The following NEK9 variants were observed in gnomAD, a reference collection of about 807,000 sequenced individuals.
NEK9 encodes serine/threonine-protein kinase Nek9.
Under a neutral mutation model 123.4 loss-of-function variants are expected in NEK9, and 75 were observed. The ratio of observed to expected loss-of-function variants is 0.61; its 90% CI spans 0.50 to 0.74. The LOEUF is 0.74. Ranked by LOEUF, NEK9 falls within the 30% of genes least tolerant of loss-of-function variation. The probability of loss-of-function intolerance (pLI) is 0.00; values close to 1 mark genes in which losing one functional copy is unlikely to be tolerated. For synonymous variants in NEK9, 438 were observed against 458.7 expected (o/e 0.95, Z 0.58); for missense variants, 952 against 1,214.4 (o/e 0.78, Z 3.21).
chr14:75,103,252 A>G (rs1894651890), intron 14 of NEK9, among the ~76,000 whole-genome samples: 1 of 152,172 alleles, frequency 6.6e-6, no homozygotes, highest in Non-Finnish European at 1.5e-5. Flanking sequence ...ACATTTTTGA[A>G]GACAGAATGG....
chr14:75,126,985 C>A lies in NEK9; in HGVS notation c.-64G>T. The A allele has an allele frequency of 7.5e-7, 1 of 1,328,892 alleles. No homozygotes were observed. The allele number at this position is 1,328,892 out of a possible 1,614,324, so 82.3% of individuals were successfully genotyped here. On this transcript the variant is annotated 5_prime_UTR_variant, in exon 1 of 22. Transcript: ENST00000238616. ...CCCGGAGGCCCTGGCCGCGCTGCGT[C>A]CCGCTCGCTTCAGATGCCGGCCCGC...
At chr14:75,105,528 C>T (rs1434086873) in intron 13 of NEK9, among the ~76,000 whole-genome samples, 5 of 152,216 alleles carry the variant, frequency 3.3e-5, no homozygotes, top group Non-Finnish European at 5.9e-5. Flanking sequence ...GCAACATGAC[C>T]GCTAAACAAA....
At chr14:75,112,838 C>CA (rs1326583626) in intron 8 of NEK9, among the ~76,000 whole-genome samples, 2 of 151,860 alleles carry the variant, frequency 1.3e-5, no homozygotes, top group South Asian at 2.1e-4. Flanking sequence ...AAACAAAAAA[C>CA]AAAAAAACCA....
chr14:75,101,028 A>C lies in NEK9; in HGVS notation c.1966T>G (p.Ser656Ala). 2 of 1,614,246 alleles carry C rather than the reference A, an allele frequency of 1.2e-6. No individual in the cohort carries two copies. Among genetic ancestry groups the C allele is most frequent in the Non-Finnish European group, 1.7e-6 (2 of 1,180,032 alleles). The change falls in exon 16 of 22, where the codon TCC (serine) becomes GCC (alanine). Residue 656 changes from serine (S) to alanine (A), a missense_variant. Physicochemically the swap from Ser to Ala is moderately conservative, Grantham distance 99. Around this residue, in one of 4 missense-constraint regions of NEK9, gnomAD observed 698 missense variants for 875.6 expected, o/e 0.80. Transcript: ENST00000238616. ...PLGGKQVIRVSCGDEFTIAAT... is the reference protein window; with the variant it reads ...PLGGKQVIRVACGDEFTIAAT... Reference sequence around the variant, plus strand: ...GCAATGGTAAACTCATCACCGCAGGAGACCCTGATCACTTGCTTCCCACCA... The same window carrying C: ...GCAATGGTAAACTCATCACCGCAGGCGACCCTGATCACTTGCTTCCCACCA...
At chr14:75,125,678 T>C (rs1895499287) in intron 1 of NEK9, among the ~76,000 whole-genome samples, 1 of 152,240 alleles carries the variant, frequency 6.6e-6, no homozygotes, top group South Asian at 2.1e-4. Flanking sequence ...TCTAACATCA[T>C]ACATTAACGT....
intron 13 of NEK9, among the ~76,000 whole-genome samples, chr14:75,105,275 T>C (rs1894731210): frequency 7.0e-6 from 1 of 141,916 alleles, no homozygotes; most frequent in East Asian, 2.1e-4. Context: ...AAAATATAAA[T>C]AAAAACTGGT....
chr14:75,106,296 T>C (rs1042371508), intron 12 of NEK9: 2 of 591,578 alleles, frequency 3.4e-6, no homozygotes, highest in Non-Finnish European at 5.9e-6. Flanking sequence ...GAGGTGGTGG[T>C]TGCAATGAGC....
At chr14:75,104,042 G>A (rs1358778772) in intron 13 of NEK9, 45 bp from the exon 14 acceptor site, 28 of 1,546,898 alleles carry the variant, frequency 1.8e-5, no homozygotes, top group African/African-American at 8.4e-5. Flanking sequence ...TATATAATTC[G>A]TATTAGAAAA....
intron 10 of NEK9, among the ~76,000 whole-genome samples, chr14:75,107,696 C>T (rs1165603478): frequency 4.6e-5 from 7 of 152,012 alleles, no homozygotes; most frequent in African/African-American, 1.7e-4. Flanking sequence ...TTTAATTTTT[C>T]ATGCCAAAAG....
rs550466382 is a variant in NEK9 at position 75,103,760 on chromosome 14, C to T, written c.1731+82G>A. Reference sequence around the variant, plus strand: ...TAACTAAAGTCAAATTCCATGGTCACTAACCAATAATGGCATCTCAAAGAA... The same window carrying T: ...TAACTAAAGTCAAATTCCATGGTCATTAACCAATAATGGCATCTCAAAGAA... On this transcript the variant is annotated intron_variant, in intron 14 of 21. Transcript: ENST00000238616. The T allele has an allele frequency of 6.2e-5, 90 of 1,447,714 alleles. No homozygotes were observed. In the African/African-American group the frequency reaches 1.2e-3, roughly 19 times the overall value. The allele number at this position is 1,447,714 out of a possible 1,614,324, so 89.7% of individuals were successfully genotyped here. A position where few individuals can be genotyped will look rare whatever the true frequency, so the allele number is the denominator to read the frequency against.
intron 1 of NEK9, 50 bp downstream of exon 1, chr14:75,126,653 G>C (rs1050389290): frequency 1.5e-6 from 2 of 1,344,104 alleles, no homozygotes; most frequent in Middle Eastern, 2.8e-4. Flanking sequence ...GGAGGGACTC[G>C]GGGCGACCCG....
intron 21 of NEK9, 24 bp downstream of exon 21, chr14:75,086,994 G>A (rs1594820338): frequency 1.9e-6 from 3 of 1,596,816 alleles, no homozygotes; most frequent in East Asian, 2.2e-5. Flanking sequence ...CTTAGAAATT[G>A]GATTATTCTT....
intron 16 of NEK9, 71 bp downstream of exon 16, chr14:75,100,921 T>C (rs1282301064): frequency 1.3e-6 from 2 of 1,495,514 alleles, no homozygotes; most frequent in South Asian, 1.2e-5. Context: ...AACTAGTCCA[T>C]TTCTTTCCCA....
At chr14:75,104,032 T>C (rs759214748) in intron 13 of NEK9, 35 bp from the exon 14 acceptor site, 8 of 1,577,002 alleles carry the variant, frequency 5.1e-6, no homozygotes, top group Admixed American at 3.8e-5. Flanking sequence ...AAATCCCAAA[T>C]ATATAATTCG....
intron 10 of NEK9, among the ~76,000 whole-genome samples, chr14:75,109,070 T>C (rs1246857673): frequency 9.2e-5 from 14 of 152,342 alleles, no homozygotes; most frequent in Admixed American, 7.8e-4. Context: ...TAGCAATTTA[T>C]GGGTCATTTT....
In NEK9 at chr14:75,114,284, C is replaced by T. The variant is rs1436446658; in HGVS notation, c.792G>A (p.Val264=). 6.2e-7 allele frequency: 1 copy of T among 1,613,946 alleles called. No homozygotes were observed. Among genetic ancestry groups the T allele is most frequent in the Non-Finnish European group, 8.5e-7 (1 of 1,179,960 alleles). ...TNPLNLCVKI[V]QGIRAMEVDS... ...CAACTTCCATGGCCCGAATTCCTTG[C>T]ACGATCTTCACACACAGGTTAAGTG... The change falls in exon 7 of 22, where the codon GTG becomes GTA. Residue 264 remains valine, a synonymous_variant. Transcript: ENST00000238616.
intron 8 of NEK9, among the ~76,000 whole-genome samples, chr14:75,111,881 ACT>A (rs1165782082): frequency 6.6e-6 from 1 of 152,174 alleles, no homozygotes; most frequent in East Asian, 1.9e-4. Context: ...ACAGAGTGAG[ACT>A]CTCATAAAGT....
At chr14:75,105,676 T>A (rs1490861895) in intron 13 of NEK9, among the ~76,000 whole-genome samples, 1 of 152,246 alleles carries the variant, frequency 6.6e-6, no homozygotes, top group East Asian at 1.9e-4. Flanking sequence ...ATGTGACTTT[T>A]CTGCTGTACA....
intron 12 of NEK9, 134 bp downstream of exon 12, chr14:75,106,361 GAAAAAAA>G (rs34426692): frequency 1.8e-4 from 53 of 300,536 alleles, no homozygotes; most frequent in Middle Eastern, 7.5e-4. Context: ...TCTGTCTCGA[GAAAAAAA>G]AAAAAAAAAA....
Sources: gnomAD v4.1 joint callset for allele counts (sites outside exome capture counted in the v4.1 genomes callset) on GRCh38, gnomAD v4.1.1 for gene constraint, gnomAD v4.1.1 regional missense constraint, MANE v1.5 for transcripts, NCBI Gene and HGNC (gene_info 2026-07-23, HGNC 2026-07-21) for gene names.